The following DMD variants were observed in gnomAD, a reference collection of about 807,000 sequenced individuals.
DMD encodes dystrophin.
Under a neutral mutation model 330.1 loss-of-function variants are expected in DMD, and 63 were observed. The ratio of observed to expected loss-of-function variants is 0.19; its 90% CI spans 0.16 to 0.24. DMD has a LOEUF of 0.24. Among genes scored for constraint, DMD ranks in the 10% least tolerant of loss-of-function variants. The pLI is 1.00. For missense variants in DMD, 3,344 were observed against 2,684.1 expected (o/e 1.25, Z -5.43); for synonymous variants, 1,223 against 959.8 (o/e 1.27, Z -5.07).
At chrX:31,701,172 A>G (rs991700231) in intron 52 of DMD, among the ~76,000 whole-genome samples, 1 of 112,160 alleles carries the variant, frequency 8.9e-6, no homozygotes, top group Non-Finnish European at 1.9e-5. Context: ...TTTTAAAATC[A>G]TGTAGAATAA....
chrX:33,205,455 C>T (rs1157129925), intron 1 of DMD, among the ~76,000 whole-genome samples: 2 of 112,322 alleles, frequency 1.8e-5, no homozygotes, highest in East Asian at 2.8e-4. Flanking sequence ...AGTGTACTGA[C>T]TCCCTTGCCC....
At position 32,457,359 on chromosome X, in the gene DMD, C is replaced by T. The variant is rs1212225235; in HGVS notation, c.3433-2527G>A. On this transcript the variant is annotated intron_variant, in intron 25 of 78. Coordinates refer to ENST00000357033, the MANE Select transcript of DMD (RefSeq NM_004006.3). The stretch of plus-strand genomic sequence containing the variant: ...AGAAAGGAATGTCTGTAAAGGGAAA[C>T]GGGAATGGAGAGGTTGCTAGAGAGA... 1.3e-4 allele frequency among the ~76,000 whole-genome samples: 14 copies of T among 110,652 alleles called. 1 individual carries two copies. The East Asian group carries it at 4.0e-3, about 32-fold the overall frequency.
chrX:31,929,497 C>A, intron 47 of DMD, 99 bp downstream of exon 47: 1 of 989,948 alleles, frequency 1.0e-6, no homozygotes, highest in South Asian at 1.9e-5. Context: ...ATCCACATAC[C>A]AGCCTCCTCC....
intron 2 of DMD, among the ~76,000 whole-genome samples, chrX:32,931,299 G>A (rs1371895658): frequency 9.0e-6 from 1 of 111,146 alleles, no homozygotes; most frequent in Admixed American, 9.7e-5. Flanking sequence ...AGTCAGGCAT[G>A]TTGTGCAACA....
chrX:32,780,565 T>A (rs1026639763), intron 7 of DMD, among the ~76,000 whole-genome samples: 9 of 111,637 alleles, frequency 8.1e-5, no homozygotes, highest in South Asian at 3.7e-4. Flanking sequence ...TTTCTTCAGC[T>A]TAGACAACAA....
chrX:32,288,533 C>T (rs2148462879), intron 42 of DMD, among the ~76,000 whole-genome samples: 1 of 111,727 alleles, frequency 9.0e-6, no homozygotes, highest in East Asian at 2.8e-4. Flanking sequence ...CTTGCTTCCG[C>T]TCTTTCCCCC....
intron 9 of DMD, among the ~76,000 whole-genome samples, chrX:32,694,391 G>A (rs189122411): frequency 9.0e-6 from 1 of 111,635 alleles, no homozygotes; most frequent in African/African-American, 3.3e-5. Context: ...AAATCCTAAC[G>A]TTCACTCCCA....
intron 59 of DMD, among the ~76,000 whole-genome samples, chrX:31,472,988 A>G (rs1389014405): frequency 8.9e-6 from 1 of 112,022 alleles, no homozygotes; most frequent in Non-Finnish European, 1.9e-5. Flanking sequence ...AACTGTGTTC[A>G]GAGTCAACAG....
chrX:31,672,744 C>A (rs1271161311), intron 53 of DMD, among the ~76,000 whole-genome samples: 2 of 111,907 alleles, frequency 1.8e-5, no homozygotes, highest in Admixed American at 9.5e-5. Context: ...TTTACAATTT[C>A]TATCTCTTTA....
intron 62 of DMD, among the ~76,000 whole-genome samples, chrX:31,305,669 C>A (rs761676624): frequency 8.9e-6 from 1 of 112,177 alleles, no homozygotes; most frequent in South Asian, 3.7e-4. Flanking sequence ...CACACAGCAG[C>A]CAATTATGTC....
intron 60 of DMD, among the ~76,000 whole-genome samples, chrX:31,375,674 C>A (rs905860100): frequency 9.0e-6 from 1 of 111,242 alleles, no homozygotes; most frequent in African/African-American, 3.3e-5. Context: ...TGCATAGAGA[C>A]GGAAAGTAGA....
chrX:31,168,054 A>C (rs1219401887), intron 74 of DMD, among the ~76,000 whole-genome samples: 1 of 111,961 alleles, frequency 8.9e-6, no homozygotes, highest in Non-Finnish European at 1.9e-5. Context: ...AGTTATTTTG[A>C]GCAGTGTGAT....
intron 48 of DMD, among the ~76,000 whole-genome samples, chrX:31,873,384 CCTT>C (rs909008481): frequency 9.0e-6 from 1 of 111,670 alleles, no homozygotes; most frequent in Non-Finnish European, 1.9e-5. Flanking sequence ...CCCTCTATCT[CCTT>C]GTTACTCATG....
chrX:31,536,678 C>A (rs1257330618), intron 55 of DMD, among the ~76,000 whole-genome samples: 1 of 111,594 alleles, frequency 9.0e-6, no homozygotes, highest in African/African-American at 3.3e-5. Flanking sequence ...AACCTTTCAC[C>A]AAACTTACAA....
At chrX:32,639,719 T>G (rs1602412700) in intron 11 of DMD, among the ~76,000 whole-genome samples, 1 of 112,096 alleles carries the variant, frequency 8.9e-6, no homozygotes, top group African/African-American at 3.2e-5. Context: ...ATCTGTATGG[T>G]TATCTTTCCT....
chrX:32,675,431 C>T (rs2061903202), intron 9 of DMD, among the ~76,000 whole-genome samples: 1 of 111,757 alleles, frequency 8.9e-6, no homozygotes, highest in East Asian at 2.8e-4. Flanking sequence ...AGTTCCCAAA[C>T]TTCACCTTTC....
At chrX:31,961,741 T>TTTTTTTTTTTTGTTTTTTTTTTTG in intron 45 of DMD, among the ~76,000 whole-genome samples, 1 of 51,024 alleles carries the variant, frequency 2.0e-5, no homozygotes, top group African/African-American at 1.5e-4. Context: ...AAGGAAGCGG[T>TTTTTTTTTTTTGTTTTTTTTTTTG]TTTTTTTTTT....
intron 55 of DMD, among the ~76,000 whole-genome samples, chrX:31,547,915 C>T (rs370959368): frequency 5.4e-5 from 6 of 111,775 alleles, no homozygotes; most frequent in African/African-American, 1.9e-4. Flanking sequence ...CCCATCTCTC[C>T]CTTTGGCCTC....
At chrX:31,139,068 G>A (rs901477911) in intron 76 of DMD, among the ~76,000 whole-genome samples, 4 of 112,074 alleles carry the variant, frequency 3.6e-5, no homozygotes, top group African/African-American at 1.3e-4. Flanking sequence ...ATAGCATATT[G>A]CTAGTCTTTG....
Sources: allele counts gnomAD v4.1 joint callset (sites outside exome capture counted in the v4.1 genomes callset), GRCh38; gene constraint gnomAD v4.1.1; transcripts MANE v1.5; gene names NCBI Gene and HGNC (gene_info 2026-07-23, HGNC 2026-07-21).